MYO1E: variants seen among roughly 807,000 people sequenced by gnomAD.
The protein encoded by MYO1E is myosin IE.
MYO1E carries 68 observed loss-of-function variants against 151.1 expected under a neutral mutation model. The observed-to-expected ratio is 0.45, with a 90% CI of 0.37 to 0.55. The LOEUF is 0.55. Among genes scored for constraint, MYO1E ranks in the 20% least tolerant of loss-of-function variants. MYO1E has a pLI of 0.00. For missense variants in MYO1E, 1,363 were observed against 1,389.3 expected (o/e 0.98, Z 0.30); for synonymous variants, 601 against 501.7 (o/e 1.20, Z -2.64).
chr15:59,355,545 A>C (rs2080848217), intron 1 of MYO1E, among the ~76,000 whole-genome samples: 1 of 152,224 alleles, frequency 6.6e-6, no homozygotes, highest in Non-Finnish European at 1.5e-5. Context: ...GAGTTCCAGA[A>C]CAAAGATTTT....
chr15:59,206,123 C>T (rs79189085), intron 14 of MYO1E, among the ~76,000 whole-genome samples: 12,592 of 151,684 alleles, frequency 0.083, 772 homozygotes, highest in African/African-American at 0.17. Context: ...GCCTGGCATC[C>T]AGTAGGCACC....
In MYO1E at chr15:59,161,315, T is replaced by C. The variant is rs553032155; in HGVS notation, c.2628-85A>G. 3.4e-6 allele frequency: 5 copies of C among 1,457,102 alleles called. No individual in the cohort carries two copies. In the African/African-American group the frequency reaches 4.2e-5, roughly 12 times the overall value. 90.3% of individuals were successfully genotyped at this position (1,457,102 alleles called of 1,614,324 possible). ...AGATCCCGCCACGGAGTTCTGCTGC[T>C]GGAAAAGCATAAACATGAGGCGAGA... On this transcript the variant is annotated intron_variant, in intron 23 of 27. Coordinates refer to ENST00000288235, the MANE Select transcript of MYO1E (RefSeq NM_004998.4).
chr15:59,365,294 C>T (rs998179244), intron 1 of MYO1E, among the ~76,000 whole-genome samples: 1 of 152,068 alleles, frequency 6.6e-6, no homozygotes, highest in East Asian at 1.9e-4. Context: ...GCTGGGATTA[C>T]GGGCGTTAGC....
At chr15:59,281,785 A>G (rs1415174253) in intron 1 of MYO1E, among the ~76,000 whole-genome samples, 1 of 152,162 alleles carries the variant, frequency 6.6e-6, no homozygotes, top group Non-Finnish European at 1.5e-5. Flanking sequence ...TTTCTTCAAC[A>G]TGTAAAAATA....
chr15:59,233,906 CATTA>C (rs1393720255), intron 5 of MYO1E, among the ~76,000 whole-genome samples: 8 of 151,112 alleles, frequency 5.3e-5, no homozygotes, highest in Admixed American at 2.0e-4. Flanking sequence ...AAAAAAATCT[CATTA>C]ATTTTGTTAT....
chr15:59,333,317 G>A (rs1443661249), intron 1 of MYO1E, among the ~76,000 whole-genome samples: 1 of 152,040 alleles, frequency 6.6e-6, no homozygotes, highest in Non-Finnish European at 1.5e-5. Context: ...TTGGCTGGCT[G>A]CAGCCTTGAA....
chr15:59,237,122 T>G (rs1451167586), intron 4 of MYO1E, among the ~76,000 whole-genome samples: 6 of 152,164 alleles, frequency 3.9e-5, no homozygotes, highest in African/African-American at 1.2e-4. Flanking sequence ...AAAAAAAGAC[T>G]GGAACTACCA....
rs867686240 is a variant in MYO1E at position 59,308,917 on chromosome 15, A to G, written c.4-36468T>C. Among the ~76,000 whole-genome samples, 152 of 152,060 alleles carry G rather than the reference A, an allele frequency of 1.0e-3. 1 individual carries two copies. The highest frequency in any genetic ancestry group is 3.4e-3 in the Middle Eastern group (1 of 294). ...TATATTTTAGCCCCAGAGAGGCAGA[A>G]TTGCAGAAAGAGCTCTGGGCCTCAG... is the stretch of plus-strand genomic sequence containing the variant. On this transcript the variant is annotated intron_variant, in intron 1 of 27. Transcript: ENST00000288235.
At chr15:59,269,445 C>T (rs376594974) in intron 2 of MYO1E, among the ~76,000 whole-genome samples, 5 of 152,102 alleles carry the variant, frequency 3.3e-5, no homozygotes, top group Non-Finnish European at 5.9e-5. Flanking sequence ...GGGTGCTGCA[C>T]GTAAAAGTGA....
intron 1 of MYO1E, among the ~76,000 whole-genome samples, chr15:59,370,842 GA>G (rs1221365847): frequency 1.3e-5 from 2 of 152,128 alleles, no homozygotes; most frequent in Non-Finnish European, 2.9e-5. Context: ...TAAACACATT[GA>G]TTTTTTTAAG....
intron 12 of MYO1E, chr15:59,212,713 G>A (rs1247934550): frequency 6.6e-6 from 1 of 152,142 alleles, no homozygotes; most frequent in African/African-American, 2.4e-5. Context: ...GCAGGGTATT[G>A]TGAAAAGTTT....
intron 14 of MYO1E, chr15:59,207,401 C>A (rs756211974): frequency 6.2e-7 from 1 of 1,614,026 alleles, no homozygotes; most frequent in Admixed American, 1.7e-5. Context: ...AAGGGAGAAA[C>A]GCGCCTTAAT....
intron 18 of MYO1E, among the ~76,000 whole-genome samples, chr15:59,186,486 C>T (rs555158914): frequency 9.9e-5 from 15 of 151,962 alleles, no homozygotes; most frequent in Admixed American, 5.2e-4. Context: ...CTCAGTTTGA[C>T]GCGGTGTGGT....
chr15:59,245,216 G>C (rs1044148149), intron 4 of MYO1E, among the ~76,000 whole-genome samples: 1 of 152,238 alleles, frequency 6.6e-6, no homozygotes, highest in African/African-American at 2.4e-5. Flanking sequence ...AAGGCAGGAA[G>C]ATAGCTTGAG....
At chr15:59,141,746 C>T (rs1043663421) in intron 26 of MYO1E, among the ~76,000 whole-genome samples, 6 of 136,706 alleles carry the variant, frequency 4.4e-5, no homozygotes, top group South Asian at 2.3e-4. Context: ...TACAGTGAGT[C>T]GAGATTGAGC....
intron 1 of MYO1E, among the ~76,000 whole-genome samples, chr15:59,351,453 A>G (rs2080822735): frequency 6.6e-6 from 1 of 152,214 alleles, no homozygotes; most frequent in South Asian, 2.1e-4. Context: ...TGGAAAATAG[A>G]GTTGGATAAA....
intron 19 of MYO1E, among the ~76,000 whole-genome samples, chr15:59,177,497 G>A (rs1298974526): frequency 1.3e-5 from 2 of 152,300 alleles, no homozygotes; most frequent in East Asian, 3.9e-4. Context: ...TCTGATGACT[G>A]ATTTCTGCCA....
Position 59,148,368 on chromosome 15 carries a change from C to T in MYO1E, c.3080+5222G>A, listed in dbSNP as rs574194817. ...GTGAATTTCTCTGTAGCTCCCACAC[C>T]TCCTGGGTGGGTGTGCCTAGTCTAT... On this transcript the variant is annotated intron_variant, in intron 26 of 27. Transcript: ENST00000288235. 3.9e-5 allele frequency among the ~76,000 whole-genome samples: 6 copies of T among 152,340 alleles called. No individual in the cohort carries two copies. In the East Asian group the frequency reaches 9.6e-4, roughly 24 times the overall value.
At chr15:59,242,329 C>A (rs1043342587) in intron 4 of MYO1E, among the ~76,000 whole-genome samples, 3 of 152,150 alleles carry the variant, frequency 2.0e-5, no homozygotes, top group Non-Finnish European at 4.4e-5. Context: ...GAACATATAA[C>A]TGTGCCAAAA....
Sources: gnomAD v4.1 joint callset for allele counts (sites outside exome capture counted in the v4.1 genomes callset) on GRCh38, gnomAD v4.1.1 for gene constraint, MANE v1.5 for transcripts, NCBI Gene and HGNC (gene_info 2026-07-23, HGNC 2026-07-21) for gene names.